ENPP3: variants seen among roughly 807,000 people sequenced by gnomAD.
ENPP3 encodes the protein ectonucleotide pyrophosphatase/phosphodiesterase 3.
A neutral mutation model predicts 117.8 loss-of-function variants in ENPP3; 104 were observed. The observed-to-expected ratio is 0.88, with a 90% CI of 0.75 to 1.04. The LOEUF (loss-of-function observed/expected upper bound fraction) is 1.04, where lower values mean the gene tolerates loss of function less well. Ranked by LOEUF, ENPP3 falls within the 50% of genes least tolerant of loss-of-function variation. ENPP3 has a pLI of 0.00. For missense variants in ENPP3, 1,026 were observed against 1,051.9 expected (o/e 0.98, Z 0.34); for synonymous variants, 380 against 349.9 (o/e 1.09, Z -0.96).
chr6:131,722,612 T>C (rs976534417), intron 18 of ENPP3, among the ~76,000 whole-genome samples: 2 of 152,224 alleles, frequency 1.3e-5, no homozygotes, highest in African/African-American at 4.8e-5. Context: ...ATATGCTTTA[T>C]AAACTGGAAA....
chr6:131,719,382 A>AACACACACACACACACACACACAC (rs3032879), intron 16 of ENPP3, among the ~76,000 whole-genome samples: 1 of 133,126 alleles, frequency 7.5e-6, no homozygotes, highest in Non-Finnish European at 1.6e-5. Flanking sequence ...TTCCATTTGT[A>AACACACACACACACACACACACAC]ACACACACAC....
In ENPP3 at chr6:131,747,016, G is replaced by T; in HGVS notation, c.*60G>T. On this transcript the variant is annotated 3_prime_UTR_variant, in exon 25 of 25. Transcript: ENST00000357639. ...ATAAAGTAATTTTGGCAAAATATAA[G>T]TGATTTTTTTCTGGAGAATTGTAAA... is the stretch of plus-strand genomic sequence containing the variant. 4.4e-6 allele frequency: 4 copies of T among 901,078 alleles called. No individual in the cohort carries two copies. The highest frequency in any genetic ancestry group is 5.8e-5 in the South Asian group (2 of 34,214). 55.8% of individuals were successfully genotyped at this position (901,078 alleles called of 1,614,324 possible).
intron 3 of ENPP3, among the ~76,000 whole-genome samples, chr6:131,651,975 T>C (rs1778273216): frequency 6.6e-6 from 1 of 152,198 alleles, no homozygotes; most frequent in Non-Finnish European, 1.5e-5. Flanking sequence ...CTCCAGCCTC[T>C]TGCTGTTTTT....
intron 24 of ENPP3, among the ~76,000 whole-genome samples, chr6:131,740,903 C>A (rs1780515284): frequency 6.6e-6 from 1 of 152,088 alleles, no homozygotes; most frequent in Non-Finnish European, 1.5e-5. Context: ...ATAGAACCAC[C>A]AGAACTTATT....
At chr6:131,660,876 C>T (rs891128819) in intron 6 of ENPP3, among the ~76,000 whole-genome samples, 10 of 152,092 alleles carry the variant, frequency 6.6e-5, no homozygotes, top group African/African-American at 1.2e-4. Context: ...CATTGATTAA[C>T]GATTCCACAT....
At chr6:131,703,247 A>C (rs1463020342) in intron 15 of ENPP3, among the ~76,000 whole-genome samples, 2 of 136,550 alleles carry the variant, frequency 1.5e-5, no homozygotes, top group Admixed American at 7.5e-5. Flanking sequence ...TCTTTAAAAA[A>C]ATTTTTAAAA....
At chr6:131,740,142 A>G in intron 23 of ENPP3, 82 bp from the exon 24 acceptor site, 1 of 1,083,390 alleles carries the variant, frequency 9.2e-7, no homozygotes, top group Non-Finnish European at 1.2e-6. Context: ...ATGTATATGA[A>G]AAAAACTATG....
chr6:131,661,385 T>C (rs960638306), intron 6 of ENPP3, among the ~76,000 whole-genome samples: 2 of 152,100 alleles, frequency 1.3e-5, no homozygotes, highest in Non-Finnish European at 1.5e-5. Flanking sequence ...CAACACCTGT[T>C]TTTGGGGTTT....
At chr6:131,648,562 C>A (rs1278915556) in intron 2 of ENPP3, among the ~76,000 whole-genome samples, 2 of 151,976 alleles carry the variant, frequency 1.3e-5, no homozygotes, top group African/African-American at 2.4e-5. Flanking sequence ...CTGCAATTCC[C>A]AGCACAGTGC....
At chr6:131,725,378 A>T (rs1321609477) in intron 19 of ENPP3, among the ~76,000 whole-genome samples, 1 of 152,188 alleles carries the variant, frequency 6.6e-6, no homozygotes, top group East Asian at 1.9e-4. Flanking sequence ...TTGGTTTCTG[A>T]TGATGGCCTG....
intron 23 of ENPP3, among the ~76,000 whole-genome samples, chr6:131,739,161 G>A (rs1357828625): frequency 2.6e-5 from 4 of 152,190 alleles, no homozygotes; most frequent in Admixed American, 2.6e-4. Flanking sequence ...ACTAATAAGT[G>A]GTAAAGCCAG....
intron 5 of ENPP3, among the ~76,000 whole-genome samples, chr6:131,655,859 GA>G (rs1017380021): frequency 6.6e-6 from 1 of 152,200 alleles, no homozygotes; most frequent in African/African-American, 2.4e-5. Flanking sequence ...GTGGTGGTCA[GA>G]AGGACACTGA....
At chr6:131,666,981 T>C (rs1314615523) in intron 6 of ENPP3, among the ~76,000 whole-genome samples, 4 of 152,174 alleles carry the variant, frequency 2.6e-5, no homozygotes, top group African/African-American at 9.7e-5. Flanking sequence ...TAGGTCCCAT[T>C]GGTGTTCCAA....
intron 20 of ENPP3, among the ~76,000 whole-genome samples, chr6:131,728,481 C>T (rs1348739700): frequency 6.6e-6 from 1 of 152,198 alleles, no homozygotes; most frequent in African/African-American, 2.4e-5. Context: ...TGTCCTTTCA[C>T]TGATCCCACA....
At chr6:131,648,368 G>C (rs1190153494) in intron 2 of ENPP3, among the ~76,000 whole-genome samples, 2 of 151,684 alleles carry the variant, frequency 1.3e-5, no homozygotes, top group African/African-American at 4.8e-5. Context: ...TTTCTGTTTT[G>C]ATAAGCACCT....
At chr6:131,640,760 A>C (rs765210245) in intron 1 of ENPP3, among the ~76,000 whole-genome samples, 4 of 152,170 alleles carry the variant, frequency 2.6e-5, no homozygotes, top group Non-Finnish European at 5.9e-5. Flanking sequence ...GACTTCATGG[A>C]AGAGGAAAGA....
intron 6 of ENPP3, among the ~76,000 whole-genome samples, chr6:131,670,841 C>T (rs11154642): frequency 0.074 from 11,329 of 152,142 alleles, 837 homozygotes; most frequent in East Asian, 0.33. Context: ...TTTTATGACA[C>T]GTAAAAATTA....
At chr6:131,650,516 C>T (rs1378953666) in intron 3 of ENPP3, among the ~76,000 whole-genome samples, 4 of 152,164 alleles carry the variant, frequency 2.6e-5, no homozygotes, top group Admixed American at 2.6e-4. Flanking sequence ...AACCACTATG[C>T]CAGGGCTGTG....
chr6:131,638,841 T>C (rs960633852), intron 1 of ENPP3, among the ~76,000 whole-genome samples: 3 of 151,862 alleles, frequency 2.0e-5, no homozygotes, highest in Non-Finnish European at 4.4e-5. Flanking sequence ...AATATGTGTA[T>C]TTTTAGAGAC....
Sources: allele counts gnomAD v4.1 joint callset (sites outside exome capture counted in the v4.1 genomes callset), GRCh38; gene constraint gnomAD v4.1.1; transcripts MANE v1.5; gene names NCBI Gene and HGNC (gene_info 2026-07-23, HGNC 2026-07-21).